The following PDE11A variants were observed in gnomAD, a reference collection of about 807,000 sequenced individuals.
The protein encoded by PDE11A is phosphodiesterase 11A, also known as dual 3',5'-cyclic-AMP and -GMP phosphodiesterase 11A.
PDE11A carries 100 observed loss-of-function variants against 100.5 expected under a neutral mutation model. The observed-to-expected ratio is 1.00, with a 90% CI of 0.85 to 1.18. The LOEUF is 1.18. PDE11A is among the 50% of genes most tolerant of loss of function. The pLI, the probability that PDE11A is intolerant of heterozygous loss-of-function variation, is 0.00. For synonymous variants in PDE11A, 381 were observed against 420.8 expected (o/e 0.91, Z 1.16); for missense variants, 1,141 against 1,152.6 (o/e 0.99, Z 0.15).
chr2:177,831,277 A>G (rs1026543904), intron 6 of PDE11A, among the ~76,000 whole-genome samples: 5 of 152,212 alleles, frequency 3.3e-5, no homozygotes, highest in Admixed American at 1.3e-4. Flanking sequence ...ACATCACATT[A>G]AAGACATCCC....
At chr2:177,756,556 G>A (rs745836215) in intron 10 of PDE11A, among the ~76,000 whole-genome samples, 1 of 152,108 alleles carries the variant, frequency 6.6e-6, no homozygotes, top group East Asian at 1.9e-4. Context: ...TGTTGAGGAC[G>A]GCCACCTGTT....
At chr2:177,996,874 C>A (rs1395801636) in intron 2 of PDE11A, among the ~76,000 whole-genome samples, 1 of 152,174 alleles carries the variant, frequency 6.6e-6, no homozygotes, top group Non-Finnish European at 1.5e-5. Context: ...AATTTCACTA[C>A]ATTTTAGAAT....
At chr2:177,763,987 T>C (rs1210508319) in intron 10 of PDE11A, among the ~76,000 whole-genome samples, 1 of 152,250 alleles carries the variant, frequency 6.6e-6, no homozygotes, top group Non-Finnish European at 1.5e-5. Context: ...TCTCCTGGCA[T>C]AGCTGTAAAG....
chr2:177,946,019 C>G (rs1401665100), intron 2 of PDE11A, among the ~76,000 whole-genome samples: 22 of 147,660 alleles, frequency 1.5e-4, no homozygotes, highest in Admixed American at 6.0e-4. Flanking sequence ...TCAGCCCCCC[C>G]ACCCGGCCAG....
intron 5 of PDE11A, among the ~76,000 whole-genome samples, chr2:177,849,734 G>A (rs1477389982): frequency 2.0e-5 from 3 of 150,924 alleles, no homozygotes; most frequent in African/African-American, 7.3e-5. Flanking sequence ...AGCTTGCAGT[G>A]AGCTGAGATC....
At chr2:177,726,804 A>C (rs2081606189) in intron 12 of PDE11A, among the ~76,000 whole-genome samples, 1 of 152,064 alleles carries the variant, frequency 6.6e-6, no homozygotes, top group Non-Finnish European at 1.5e-5. Flanking sequence ...ATGTTGGAAG[A>C]GTCCAAGACT....
intron 15 of PDE11A, among the ~76,000 whole-genome samples, chr2:177,691,612 C>T (rs922521079): frequency 3.9e-5 from 6 of 152,096 alleles, no homozygotes; most frequent in African/African-American, 1.2e-4. Context: ...TCCAGATATA[C>T]TATTTAATAT....
At chr2:178,018,069 T>A (rs2086360928) in intron 1 of PDE11A, 1 of 179,464 alleles carries the variant, frequency 5.6e-6, no homozygotes, top group South Asian at 1.3e-4. Flanking sequence ...ACCCCACTGG[T>A]CAGACCTGCC....
chr2:177,929,092 G>A (rs2085171220), intron 2 of PDE11A, among the ~76,000 whole-genome samples: 1 of 152,138 alleles, frequency 6.6e-6, no homozygotes. Context: ...GAAAAATCCA[G>A]ACAAGCCTAG....
intron 2 of PDE11A, among the ~76,000 whole-genome samples, chr2:178,082,208 A>G (rs894667920): frequency 6.6e-6 from 1 of 152,256 alleles, no homozygotes; most frequent in African/African-American, 2.4e-5. Context: ...CACTTAGAAC[A>G]GTATCTGTAC....
chr2:177,726,877 G>C (rs930689417), intron 12 of PDE11A, among the ~76,000 whole-genome samples: 1 of 151,426 alleles, frequency 6.6e-6, no homozygotes, highest in Non-Finnish European at 1.5e-5. Context: ...ACGTACACAT[G>C]TGTGTATATA....
chr2:178,069,821 G>A (rs1439073841), intron 1 of PDE11A, among the ~76,000 whole-genome samples: 1 of 152,172 alleles, frequency 6.6e-6, no homozygotes, highest in South Asian at 2.1e-4. Context: ...TGAAATAAAG[G>A]TTAGGGCCTG....
At chr2:177,736,191 G>A (rs1006403336) in intron 10 of PDE11A, among the ~76,000 whole-genome samples, 1 of 152,122 alleles carries the variant, frequency 6.6e-6, no homozygotes, top group Non-Finnish European at 1.5e-5. Context: ...CAGAAGGAAG[G>A]AAGGACGTGC....
chr2:177,950,417 C>G (rs1574302701), intron 2 of PDE11A, among the ~76,000 whole-genome samples: 1 of 152,184 alleles, frequency 6.6e-6, no homozygotes, highest in Admixed American at 6.5e-5. Context: ...ATGCTTTAGT[C>G]TTCATCCTCA....
At chr2:177,706,122 G>A (rs112599490) in intron 13 of PDE11A, among the ~76,000 whole-genome samples, 4 of 152,190 alleles carry the variant, frequency 2.6e-5, no homozygotes, top group African/African-American at 7.2e-5. Flanking sequence ...ATGAAAATGC[G>A]AAGGATCACT....
chr2:177,869,496 C>A (rs1235440258), intron 5 of PDE11A, among the ~76,000 whole-genome samples: 1 of 152,150 alleles, frequency 6.6e-6, no homozygotes, highest in South Asian at 2.1e-4. Context: ...TTCTGTTGAG[C>A]CTTTTCAGCT....
intron 1 of PDE11A, among the ~76,000 whole-genome samples, chr2:178,050,269 C>T (rs955706109): frequency 1.3e-5 from 2 of 152,232 alleles, no homozygotes; most frequent in Non-Finnish European, 2.9e-5. Flanking sequence ...CAAACTCCAA[C>T]AGACCTGCAG....
intron 6 of PDE11A, among the ~76,000 whole-genome samples, chr2:177,829,751 C>G (rs2083281864): frequency 6.6e-6 from 1 of 151,982 alleles, no homozygotes; most frequent in African/African-American, 2.4e-5. Context: ...TGTGCCCAGC[C>G]TATAATAAGC....
chr2:178,102,424 C>G (rs1323916907), intron 2 of PDE11A, among the ~76,000 whole-genome samples: 1 of 127,662 alleles, frequency 7.8e-6, no homozygotes, highest in Admixed American at 8.6e-5. Flanking sequence ...CATGCCTGGT[C>G]TAAGTTTTTT....
Sources: allele counts gnomAD v4.1 joint callset (sites outside exome capture counted in the v4.1 genomes callset), GRCh38; gene constraint gnomAD v4.1.1; transcripts MANE v1.5; gene names NCBI Gene and HGNC (gene_info 2026-07-23, HGNC 2026-07-21).